The following CHRM5 variants were observed in gnomAD, a reference collection of about 807,000 sequenced individuals.
CHRM5 encodes cholinergic receptor muscarinic 5.
In CHRM5, 18 loss-of-function variants were observed where a neutral mutation model predicts 39.0. The observed-to-expected ratio is 0.46, with a 90% CI of 0.32 to 0.68. CHRM5 has a LOEUF of 0.68. Ranked by LOEUF, CHRM5 falls within the 30% of genes least tolerant of loss-of-function variation. The pLI is 0.04. For missense variants in CHRM5, 515 were observed against 651.1 expected (o/e 0.79, Z 2.28); for synonymous variants, 241 against 246.3 (o/e 0.98, Z 0.20).
chr15:33,985,686 A>G (rs1249481985), intron 1 of CHRM5, among the ~76,000 whole-genome samples: 1 of 152,060 alleles, frequency 6.6e-6, no homozygotes, highest in African/African-American at 2.4e-5. Flanking sequence ...ATGATGCATG[A>G]TACACCTGAT....
chr15:34,042,202 C>A (rs867283738), intron 1 of CHRM5, among the ~76,000 whole-genome samples: 8 of 152,086 alleles, frequency 5.3e-5, no homozygotes, highest in Non-Finnish European at 7.4e-5. Context: ...GGGAAGGAAT[C>A]TTTTCTGGTA....
At position 34,064,419 on chromosome 15, in the gene CHRM5, A is replaced by C; in HGVS notation, c.*103A>C. 1.6e-5 allele frequency: 22 copies of C among 1,351,964 alleles called. No homozygotes were observed. Among genetic ancestry groups the C allele is most frequent in the Non-Finnish European group, 2.2e-5 (22 of 1,010,224 alleles). 83.7% of individuals were successfully genotyped at this position (1,351,964 alleles called of 1,614,324 possible). A position where few individuals can be genotyped will look rare whatever the true frequency, so the allele number is the denominator to read the frequency against. ...TATATTTTCAAAAAGAAGACATCTC[A>C]TTTTGAGTCCTTGAAGATTTTTGTA... is the stretch of plus-strand genomic sequence containing the variant. On this transcript the variant is annotated 3_prime_UTR_variant, in exon 3 of 3. Transcript: ENST00000383263.
intron 1 of CHRM5, among the ~76,000 whole-genome samples, chr15:34,026,084 T>C (rs959695689): frequency 6.6e-6 from 1 of 152,254 alleles, no homozygotes; most frequent in Non-Finnish European, 1.5e-5. Flanking sequence ...ACATAATCCC[T>C]ATATTTTCTC....
At chr15:34,030,158 G>A (rs1022989479) in intron 1 of CHRM5, among the ~76,000 whole-genome samples, 5 of 152,196 alleles carry the variant, frequency 3.3e-5, no homozygotes, top group African/African-American at 1.2e-4. Context: ...GGAGGCTGAG[G>A]CAGGAGAATC....
At chr15:34,032,794 C>A (rs1898920786) in intron 1 of CHRM5, among the ~76,000 whole-genome samples, 2 of 152,140 alleles carry the variant, frequency 1.3e-5, no homozygotes, top group East Asian at 3.8e-4. Flanking sequence ...ATTCCCCAAG[C>A]CTCAACAATA....
intron 1 of CHRM5, chr15:34,007,097 T>C (rs533065294): frequency 4.1e-6 from 4 of 979,664 alleles, no homozygotes; most frequent in Non-Finnish European, 4.8e-6. Flanking sequence ...GGAATCCATT[T>C]AGATTAATAA....
chr15:34,004,911 G>GA (rs545520291), intron 1 of CHRM5, among the ~76,000 whole-genome samples: 239 of 151,746 alleles, frequency 1.6e-3, no homozygotes, highest in African/African-American at 5.5e-3. Context: ...TCCTTATCAA[G>GA]AAAAAAATGA....
intron 2 of CHRM5, 71 bp from the exon 3 acceptor site, chr15:34,062,572 A>AAC: frequency 3.0e-5 from 20 of 657,336 alleles, no homozygotes; most frequent in Admixed American, 8.3e-5. Flanking sequence ...AAAAAAAAAA[A>AAC]AACTATAAAC....
chr15:33,990,606 A>C (rs2140566757), intron 1 of CHRM5: 1 of 152,388 alleles, frequency 6.6e-6, no homozygotes, highest in South Asian at 2.1e-4. Flanking sequence ...ACAGTCCTTC[A>C]TGTGAACTTG....
intron 1 of CHRM5, among the ~76,000 whole-genome samples, chr15:34,033,836 A>G (rs1261115457): frequency 1.3e-5 from 2 of 152,130 alleles, no homozygotes; most frequent in Non-Finnish European, 2.9e-5. Flanking sequence ...TCTCCAGGGT[A>G]AAGAGCAGTG....
chr15:34,058,507 A>C (rs964542653), intron 2 of CHRM5, among the ~76,000 whole-genome samples: 1 of 151,844 alleles, frequency 6.6e-6, no homozygotes, highest in Admixed American at 6.6e-5. Context: ...ACAGGCCACT[A>C]TAAATCTTCA....
chr15:33,986,080 A>G (rs1896438492), intron 1 of CHRM5, among the ~76,000 whole-genome samples: 1 of 144,566 alleles, frequency 6.9e-6, no homozygotes, highest in South Asian at 2.3e-4. Flanking sequence ...AAAACCTCAC[A>G]TTTCACTGTA....
chr15:34,047,171 G>T (rs935918870), intron 2 of CHRM5, among the ~76,000 whole-genome samples: 85 of 151,232 alleles, frequency 5.6e-4, no homozygotes, highest in African/African-American at 2.0e-3. Flanking sequence ...TCCGCCTCCC[G>T]GGTTCACGCC....
At position 33,968,738 on chromosome 15, in the gene CHRM5, G is replaced by C. The variant is rs1377013546; in HGVS notation, c.-820G>C. 1 of 152,044 alleles carries C rather than the reference G, an allele frequency of 6.6e-6. No homozygotes were observed. The highest frequency in any genetic ancestry group is 6.6e-5 in the Admixed American group (1 of 15,264). 9.4% of individuals were successfully genotyped at this position (152,044 alleles called of 1,614,324 possible). On this transcript the variant is annotated 5_prime_UTR_variant, in exon 1 of 3. Coordinates refer to ENST00000383263, the MANE Select transcript of CHRM5 (RefSeq NM_012125.4). ...TCTAGTCCAGATAATGTTTTTTAAA[G>C]CAGCTTGATTTGGAAGCGTGTGTAA...
chr15:34,032,260 G>T (rs956675612), intron 1 of CHRM5, among the ~76,000 whole-genome samples: 4 of 152,132 alleles, frequency 2.6e-5, no homozygotes, highest in Non-Finnish European at 2.9e-5. Context: ...TCATGCTATG[G>T]TGTGGTTAGG....
chr15:34,056,344 C>T (rs1479093087), intron 2 of CHRM5, among the ~76,000 whole-genome samples: 1 of 152,178 alleles, frequency 6.6e-6, no homozygotes, highest in Non-Finnish European at 1.5e-5. Flanking sequence ...CTACTCCATA[C>T]TCCTAGTTCA....
chr15:34,042,554 C>A (rs143798911), intron 1 of CHRM5, among the ~76,000 whole-genome samples: 1,682 of 151,924 alleles, frequency 0.011, 9 homozygotes, highest in Non-Finnish European at 0.016. Context: ...GCATGCACCA[C>A]CACGCCCGGC....
At chr15:34,050,140 G>A (rs372441936) in intron 2 of CHRM5, among the ~76,000 whole-genome samples, 14 of 151,820 alleles carry the variant, frequency 9.2e-5, no homozygotes, top group Non-Finnish European at 1.3e-4. Context: ...CACCCACCTC[G>A]GCCTCCCAAA....
intron 1 of CHRM5, chr15:34,007,140 C>T (rs944792307): frequency 6.7e-5 from 48 of 716,492 alleles, no homozygotes; most frequent in Non-Finnish European, 4.8e-5. Context: ...AAACTACTGC[C>T]GAGCTATTAT....
Sources: allele counts gnomAD v4.1 joint callset (sites outside exome capture counted in the v4.1 genomes callset), GRCh38; gene constraint gnomAD v4.1.1; transcripts MANE v1.5; gene names NCBI Gene and HGNC (gene_info 2026-07-23, HGNC 2026-07-21).